ZFHX3: variants seen among roughly 807,000 people sequenced by gnomAD.
ZFHX3 encodes zinc finger homeobox 3.
Under a neutral mutation model 279.1 loss-of-function variants are expected in ZFHX3, and 42 were observed. That is an observed-to-expected ratio of 0.15 (90% CI 0.12 to 0.19). ZFHX3 has a LOEUF of 0.19. ZFHX3 is among the 10% of genes least tolerant of loss of function. The pLI is 1.00. For missense variants in ZFHX3, 4,981 were observed against 4,754.0 expected (o/e 1.05, Z -1.40); for synonymous variants, 2,293 against 1,957.8 (o/e 1.17, Z -4.52).
At position 73,439,946 on chromosome 16, in the gene ZFHX3, A is replaced by C. The variant is rs1017208888; in HGVS notation, c.-1291+16057T>G. Among the ~76,000 whole-genome samples, 19 of 151,038 alleles carry C rather than the reference A, an allele frequency of 1.3e-4. No homozygotes were observed. In the East Asian group the frequency reaches 3.1e-3, roughly 25 times the overall value. On this transcript the variant is annotated intron_variant, in intron 3 of 17. Transcript: ENST00000641206. ...AAAAAAAAAAAACACAAAAAAAAAA[A>C]CAAGGAGAAGGGCCAAGGCTTCAAA...
chr16:72,799,676 A>G (rs1455756139), intron 8 of ZFHX3, among the ~76,000 whole-genome samples: 1 of 152,194 alleles, frequency 6.6e-6, no homozygotes, highest in African/African-American at 2.4e-5. Context: ...ACAAGTCCCT[A>G]CTAATTAAGT....
At chr16:73,085,394 G>A (rs542665868) in intron 8 of ZFHX3, among the ~76,000 whole-genome samples, 3 of 152,270 alleles carry the variant, frequency 2.0e-5, no homozygotes, top group South Asian at 4.2e-4. Context: ...GAGTAGCTGG[G>A]ACTACAGGTG....
chr16:73,016,355 C>T (rs896906734), intron 1 of ZFHX3, among the ~76,000 whole-genome samples: 3 of 151,976 alleles, frequency 2.0e-5, no homozygotes, highest in Non-Finnish European at 2.9e-5. Flanking sequence ...ATGTACAAGG[C>T]GCTACTTTGT....
At chr16:73,735,775 A>T (rs938569381) in intron 1 of ZFHX3, among the ~76,000 whole-genome samples, 14 of 152,136 alleles carry the variant, frequency 9.2e-5, no homozygotes, top group Non-Finnish European at 1.5e-4. Context: ...GTTCCACCTT[A>T]AATAAGCAGG....
chr16:72,960,636 G>C (rs1266934924), intron 1 of ZFHX3, among the ~76,000 whole-genome samples: 1 of 152,194 alleles, frequency 6.6e-6, no homozygotes, highest in Non-Finnish European at 1.5e-5. Flanking sequence ...CGCACTGTCT[G>C]TGGGTCAGGG....
At position 73,252,053 on chromosome 16, in the gene ZFHX3, G is replaced by A. The variant is rs58200183; in HGVS notation, c.-1104+4994C>T. ...TCAGTGAGGGGTGGGGAGGGAGCTT[G>A]GGGAATTAGCCAGTCAGTAATAACT... On this transcript the variant is annotated intron_variant, in intron 5 of 17. Coordinates refer to the ZFHX3 transcript ENST00000641206. 9.0e-3 allele frequency among the ~76,000 whole-genome samples: 1,373 copies of A among 152,172 alleles called. 20 individuals carry two copies. The highest frequency in any genetic ancestry group is 0.031 in the African/African-American group (1,293 of 41,488).
At chr16:73,547,616 G>GT (rs1482758766) in intron 2 of ZFHX3, among the ~76,000 whole-genome samples, 6 of 152,150 alleles carry the variant, frequency 3.9e-5, no homozygotes, top group African/African-American at 1.2e-4. Flanking sequence ...TTGATGGTGA[G>GT]TAGGGCTTGA....
intron 1 of ZFHX3, among the ~76,000 whole-genome samples, chr16:73,719,844 G>A (rs1342148122): frequency 6.6e-6 from 1 of 152,090 alleles, no homozygotes; most frequent in East Asian, 1.9e-4. Flanking sequence ...TGTTGGTCAG[G>A]CTGGTCTCAA....
At chr16:73,110,755 G>C (rs1966362967) in intron 7 of ZFHX3, among the ~76,000 whole-genome samples, 2 of 151,968 alleles carry the variant, frequency 1.3e-5, no homozygotes, top group African/African-American at 4.8e-5. Flanking sequence ...GTAGAGATAG[G>C]GTCTCCCATT....
chr16:73,556,187 A>G (rs1350687151), intron 2 of ZFHX3, among the ~76,000 whole-genome samples: 1 of 152,216 alleles, frequency 6.6e-6, no homozygotes, highest in Non-Finnish European at 1.5e-5. Context: ...ACTGGCCTTA[A>G]TAAGCTGTTG....
At chr16:73,471,100 A>G (rs1367536636) in intron 2 of ZFHX3, among the ~76,000 whole-genome samples, 1 of 152,198 alleles carries the variant, frequency 6.6e-6, no homozygotes, top group African/African-American at 2.4e-5. Context: ...ATGTCTAATG[A>G]CATCTATTCA....
intron 3 of ZFHX3, among the ~76,000 whole-genome samples, chr16:72,894,351 A>G (rs2038844699): frequency 6.6e-6 from 1 of 152,158 alleles, no homozygotes; most frequent in Non-Finnish European, 1.5e-5. Flanking sequence ...ACCCAAAGCT[A>G]GCAGCAAGGT....
chr16:73,836,393 T>C (rs1276282769), intron 1 of ZFHX3, among the ~76,000 whole-genome samples: 1 of 152,186 alleles, frequency 6.6e-6, no homozygotes, highest in Non-Finnish European at 1.5e-5. Context: ...AATACCGAAA[T>C]GGGTTATTTA....
chr16:73,819,946 G>A (rs918930068), intron 1 of ZFHX3, among the ~76,000 whole-genome samples: 20 of 152,160 alleles, frequency 1.3e-4, no homozygotes, highest in African/African-American at 4.8e-4. Context: ...TCACGACAAT[G>A]TCTCTCATCC....
intron 8 of ZFHX3, chr16:73,092,724 C>T (rs56981508): frequency 0.01 from 3,472 of 335,926 alleles, 111 homozygotes; most frequent in African/African-American, 0.07. Flanking sequence ...TCTGGGAGAG[C>T]GCTTATATGG....
At chr16:73,317,655 T>A (rs1170058912) in intron 4 of ZFHX3, among the ~76,000 whole-genome samples, 4 of 152,168 alleles carry the variant, frequency 2.6e-5, no homozygotes, top group African/African-American at 9.7e-5. Flanking sequence ...GGGCCAGCAG[T>A]ACCTCGTAAG....
intron 3 of ZFHX3, among the ~76,000 whole-genome samples, chr16:72,935,200 C>T (rs192502525): frequency 3.3e-5 from 5 of 152,290 alleles, no homozygotes; most frequent in African/African-American, 7.2e-5. Flanking sequence ...TGCTCAAGGA[C>T]GTGTGGCTTG....
intron 1 of ZFHX3, among the ~76,000 whole-genome samples, chr16:73,686,637 C>G: frequency 6.6e-6 from 1 of 152,128 alleles, no homozygotes; most frequent in East Asian, 1.9e-4. Context: ...ATCCATGATC[C>G]AAGCACGCAG....
intron 3 of ZFHX3, among the ~76,000 whole-genome samples, chr16:73,362,911 C>T (rs992674935): frequency 2.6e-5 from 4 of 152,234 alleles, no homozygotes; most frequent in Non-Finnish European, 5.9e-5. Flanking sequence ...GTAAGAATTG[C>T]TAAAGTAACC....
Sources: allele counts gnomAD v4.1 joint callset (sites outside exome capture counted in the v4.1 genomes callset), GRCh38; gene constraint gnomAD v4.1.1; transcripts MANE v1.5; gene names NCBI Gene and HGNC (gene_info 2026-07-23, HGNC 2026-07-21).